Variants in DNAH8 observed in about 807,000 individuals in gnomAD.
DNAH8 encodes dynein axonemal heavy chain 8.
In DNAH8, 382 loss-of-function variants were observed where a neutral mutation model predicts 562.1. The observed-to-expected ratio is 0.68, with a 90% confidence interval of 0.63 to 0.74. DNAH8 has a LOEUF of 0.74. DNAH8 is among the 30% of genes least tolerant of loss of function. The pLI, the probability that DNAH8 is intolerant of heterozygous loss-of-function variation, is 0.00. For missense variants in DNAH8, 5,203 were observed against 5,620.4 expected (o/e 0.93, Z 2.37); for synonymous variants, 1,881 against 1,919.4 (o/e 0.98, Z 0.52).
At chr6:38,975,213 G>A (rs1561933229) in intron 85 of DNAH8, among the ~76,000 whole-genome samples, 4 of 152,106 alleles carry the variant, frequency 2.6e-5, no homozygotes, top group Admixed American at 6.5e-5. Flanking sequence ...TGTCTGTTAC[G>A]ATTTTTTAAA....
chr6:38,726,035 G>A (rs1488953968), intron 3 of DNAH8, among the ~76,000 whole-genome samples: 1 of 152,182 alleles, frequency 6.6e-6, no homozygotes, highest in Admixed American at 6.5e-5. Context: ...CCCTGAGATG[G>A]TGACAATGAG....
rs1768569355 is a variant in DNAH8 at position 38,781,257 on chromosome 6, T to TA, written c.2144dup (p.Tyr715Ter). The part of the protein sequence containing the change: ...VAELDATKKL[Y>*]HSQKDDPPLA... ...AACATCAGATTTTTAATTACAGCTTTATCATTCTCAGAAAGATGACCCCCC... is the reference window on the plus strand; with the variant it reads ...AACATCAGATTTTTAATTACAGCTTTAATCATTCTCAGAAAGATGACCCCCC... Residue 715 changes from tyrosine (Y) to a stop codon, truncating the protein, a stop_gained and frameshift_variant, in exon 16 of 93, where the codon TAT (tyrosine) becomes TAAT (stop). Transcript: ENST00000327475. LOFTEE classifies it high-confidence loss of function. The TA allele has an allele frequency of 6.2e-7, 1 of 1,613,746 alleles. No homozygotes were observed. The highest frequency in any genetic ancestry group is 8.5e-7 in the Non-Finnish European group (1 of 1,179,896).
chr6:38,976,867 GA>G (rs1370361660), intron 85 of DNAH8, among the ~76,000 whole-genome samples: 3 of 152,314 alleles, frequency 2.0e-5, no homozygotes, highest in Middle Eastern at 6.8e-3. Flanking sequence ...GAGACAGACT[GA>G]AAAAAGAATT....
Position 38,915,259 on chromosome 6 carries a change from A to G in DNAH8, c.10022A>G (p.Gln3341Arg). 1 of 1,611,402 alleles carries G rather than the reference A, an allele frequency of 6.2e-7. No individual in the cohort carries two copies. Residue 3341 changes from glutamine to arginine, a missense_variant, in exon 68 of 93, where the codon CAG (glutamine) becomes CGG (arginine). Gln to Arg is a conservative substitution (Grantham distance 43). Around this residue, in one of 6 missense-constraint regions of DNAH8, gnomAD observed 87 missense variants for 144.9 expected, o/e 0.60. Transcript: ENST00000327475. ...TCAGCCAAAATTAAAAATGAAGTAC[A>G]GGAGGTAAAGGACAAAGCCCAAAAA... ...QASAKIKNEV[Q>R]EVKDKAQKIV...
At chr6:38,732,042 T>C (rs1450724076) in intron 4 of DNAH8, among the ~76,000 whole-genome samples, 1 of 152,204 alleles carries the variant, frequency 6.6e-6, no homozygotes, top group African/African-American at 2.4e-5. Flanking sequence ...GTGCATGTGT[T>C]AACATGTAAA....
chr6:38,871,670 C>A (rs148161270), intron 49 of DNAH8, among the ~76,000 whole-genome samples: 1 of 152,088 alleles, frequency 6.6e-6, no homozygotes. Context: ...GTTATAGCAG[C>A]GGCTGTCCAT....
chr6:38,814,649 A>G (rs943870689), intron 25 of DNAH8, among the ~76,000 whole-genome samples: 8 of 152,188 alleles, frequency 5.3e-5, no homozygotes, highest in African/African-American at 1.9e-4. Context: ...TGAGTTAGGC[A>G]TCTGTTCTGC....
At chr6:38,809,936 G>A (rs914914352) in intron 24 of DNAH8, among the ~76,000 whole-genome samples, 5 of 152,052 alleles carry the variant, frequency 3.3e-5, no homozygotes, top group Non-Finnish European at 7.4e-5. Flanking sequence ...TCACAATTTA[G>A]TTTGTCATTA....
intron 14 of DNAH8, among the ~76,000 whole-genome samples, chr6:38,779,712 A>G (rs921278234): frequency 6.6e-6 from 1 of 152,148 alleles, no homozygotes; most frequent in African/African-American, 2.4e-5. Flanking sequence ...AGTTATAGGC[A>G]TTTCTGACCC....
At chr6:38,908,246 C>G in intron 64 of DNAH8, 126 bp downstream of exon 64, 2 of 534,306 alleles carry the variant, frequency 3.7e-6, no homozygotes, top group Non-Finnish European at 6.1e-6. Context: ...AAAATTAACA[C>G]TTTTGTACCA....
chr6:38,747,329 C>G (rs1253799736), intron 8 of DNAH8, among the ~76,000 whole-genome samples: 1 of 151,928 alleles, frequency 6.6e-6, no homozygotes, highest in Non-Finnish European at 1.5e-5. Context: ...ATTCTTTTTC[C>G]CAAATGGCTG....
intron 82 of DNAH8, among the ~76,000 whole-genome samples, chr6:38,959,009 T>C (rs9380811): frequency 0.4 from 60,401 of 151,990 alleles, 13,694 homozygotes; most frequent in East Asian, 0.69. Flanking sequence ...ATGACAGTAA[T>C]AGAATGAAGG....
At position 38,967,284 on chromosome 6, in the gene DNAH8, G is replaced by A. The variant is rs1007624401; in HGVS notation, c.12452-4308G>A. Among the ~76,000 whole-genome samples, 5 of 151,748 alleles carry A rather than the reference G, an allele frequency of 3.3e-5. No individual in the cohort carries two copies. In the South Asian group the frequency reaches 1.0e-3, roughly 32 times the overall value. On this transcript the variant is annotated intron_variant, in intron 82 of 92. Coordinates refer to ENST00000327475, the MANE Select transcript of DNAH8 (RefSeq NM_001206927.2). The stretch of plus-strand genomic sequence containing the variant: ...CATTGTATTGGTGGTTCTAGATAGG[G>A]CAATCAGACCAGGCAAAGAAAAAAA...
chr6:38,923,881 G>A, intron 72 of DNAH8, 110 bp from the exon 73 acceptor site: 1 of 1,227,640 alleles, frequency 8.1e-7, no homozygotes, highest in Non-Finnish European at 1.2e-6. Context: ...CAAGCATTAA[G>A]CAGGGGCAAA....
Position 38,915,272 on chromosome 6 carries a change from C to A in DNAH8, c.10035C>A (p.Asp3345Glu). 1 of 1,611,606 alleles carries A rather than the reference C, an allele frequency of 6.2e-7. No individual in the cohort carries two copies. The highest frequency in any genetic ancestry group is 8.5e-7 in the Non-Finnish European group (1 of 1,179,116). The change falls in exon 68 of 93, where the codon GAC (aspartate) becomes GAA (glutamate). Residue 3345 changes from aspartate to glutamate, a missense_variant. This residue lies in a region of DNAH8 where 87 missense variants were observed against 144.9 expected (regional missense o/e 0.60). Coordinates refer to ENST00000327475, the MANE Select transcript of DNAH8 (RefSeq NM_001206927.2). Reference protein sequence around the residue: ...KIKNEVQEVKDKAQKIVDEID... With the variant: ...KIKNEVQEVKEKAQKIVDEID... The stretch of plus-strand genomic sequence containing the variant: ...AAAATGAAGTACAGGAGGTAAAGGA[C>A]AAAGCCCAAAAAATTGTGGATGAAA...
Position 38,845,583 on chromosome 6 carries a change from A to C in DNAH8, c.4855A>C (p.Ile1619Leu). Residue 1619 changes from isoleucine (I) to leucine (L), a missense_variant, in exon 36 of 93, where the codon ATA (isoleucine) becomes CTA (leucine). Physicochemically the swap from Ile to Leu is conservative, Grantham distance 5 (BLOSUM62 2). Around this residue, in one of 6 missense-constraint regions of DNAH8, gnomAD observed 2,176 missense variants for 2,365.1 expected, o/e 0.92. Coordinates refer to ENST00000327475, the MANE Select transcript of DNAH8 (RefSeq NM_001206927.2). Reference protein sequence around the residue: ...KHKDDIEDICISAIKEKDIEA... With the variant: ...KHKDDIEDICLSAIKEKDIEA... ...TGCTTTTCCTTCAAAGGATATTTGC[A>C]TATCTGCCATTAAGGAGAAGGATAT... The C allele has an allele frequency of 6.2e-7, 1 of 1,613,454 alleles. No homozygotes were observed. Among genetic ancestry groups the C allele is most frequent in the Non-Finnish European group, 8.5e-7 (1 of 1,179,412 alleles).
chr6:38,991,116 C>T (rs1764754176), intron 88 of DNAH8, among the ~76,000 whole-genome samples: 1 of 152,212 alleles, frequency 6.6e-6, no homozygotes, highest in Admixed American at 6.5e-5. Context: ...CCAGGAGTCC[C>T]AGTTTGCTGC....
chr6:38,929,888 C>G lies in DNAH8; in HGVS notation c.11274+222C>G, dbSNP rs1048912063. Among the ~76,000 whole-genome samples the G allele has an allele frequency of 4.0e-5, 6 of 151,800 alleles. No homozygotes were observed. In the South Asian group the frequency reaches 1.0e-3, roughly 26 times the overall value. On this transcript the variant is annotated intron_variant, in intron 75 of 92. Transcript: ENST00000327475. ...CAGTGTTTCCTTTTATTTTTTATAG[C>G]GTATAAAAGTTTCTGAGGTGGGGGC...
intron 79 of DNAH8, 67 bp downstream of exon 79, chr6:38,939,055 C>T: frequency 8.0e-7 from 1 of 1,244,330 alleles, no homozygotes; most frequent in Non-Finnish European, 1.1e-6. Flanking sequence ...TTTGATATAC[C>T]ATAAACCCAT....
Sources: allele counts gnomAD v4.1 joint callset (sites outside exome capture counted in the v4.1 genomes callset), GRCh38; gene constraint gnomAD v4.1.1; regional missense constraint gnomAD v4.1.1; transcripts MANE v1.5; gene names NCBI Gene and HGNC (gene_info 2026-07-23, HGNC 2026-07-21).